The following HPCAL1 variants were observed in gnomAD, a reference collection of about 807,000 sequenced individuals.
HPCAL1 encodes the protein hippocalcin like 1, also known as hippocalcin-like protein 1.
HPCAL1 carries 8 observed loss-of-function variants against 17.1 expected under a neutral mutation model. The ratio of observed to expected loss-of-function variants is 0.47; its 90% confidence interval spans 0.27 to 0.84. The LOEUF is 0.84. HPCAL1 is among the 40% of genes least tolerant of loss of function. The pLI, the probability that HPCAL1 is intolerant of heterozygous loss-of-function variation, is 0.13. For synonymous variants in HPCAL1, 112 were observed against 111.4 expected, an observed-to-expected ratio of 1.01 and a Z score of -0.03; for missense variants, 165 against 271.1, an observed-to-expected ratio of 0.61 and a Z score of 2.75.
rs567786132 is a variant in HPCAL1 at position 10,384,476 on chromosome 2, G to A, written c.-110-12359G>A. On this transcript the variant is annotated intron_variant, in intron 1 of 4. Transcript: ENST00000307845. This position sits in a 1 kb window ranked among gnomAD's most constrained non-coding sequence, Gnocchi z 4.4. The stretch of plus-strand genomic sequence containing the variant: ...CTGCCCTCCACAAACTGCCATGCTT[G>A]CTTGGTGCACGGTGCTGTGCTGGGC... Among the ~76,000 whole-genome samples, 2 of 152,292 alleles carry A rather than the reference G, an allele frequency of 1.3e-5. No individual in the cohort carries two copies. Among genetic ancestry groups the A allele is most frequent in the Admixed American group, 6.5e-5 (1 of 15,310 alleles).
chr2:10,417,373 CA>C (rs1165509518), intron 2 of HPCAL1, among the ~76,000 whole-genome samples: 10 of 146,778 alleles, frequency 6.8e-5, no homozygotes, highest in Non-Finnish European at 1.1e-4. Flanking sequence ...CAAAAAAAAA[CA>C]AAAAAAAAAG....
chr2:10,421,200 A>C (rs1190456585), intron 3 of HPCAL1, among the ~76,000 whole-genome samples: 1 of 152,228 alleles, frequency 6.6e-6, no homozygotes, highest in Admixed American at 6.5e-5. Flanking sequence ...TGAAGCATTA[A>C]CGATCACGAG....
chr2:10,424,548 G>T (rs1461312977), intron 4 of HPCAL1: 5 of 471,098 alleles, frequency 1.1e-5, no homozygotes, highest in Non-Finnish European at 2.2e-5. Flanking sequence ...GCCACCCATG[G>T]TCACTCGCTG....
At chr2:10,322,110 A>G (rs1558456075) in intron 1 of HPCAL1, among the ~76,000 whole-genome samples, 1 of 151,770 alleles carries the variant, frequency 6.6e-6, no homozygotes, top group South Asian at 2.1e-4. Context: ...GTAGCCTGCA[A>G]CTCTATGGAT....
intron 1 of HPCAL1, among the ~76,000 whole-genome samples, chr2:10,341,216 T>C (rs1435712789): frequency 6.6e-6 from 1 of 151,852 alleles, no homozygotes; most frequent in Non-Finnish European, 1.5e-5. Flanking sequence ...TCCTAGCACT[T>C]TGGGAGGCTG....
chr2:10,307,862 TC>T (rs1662721740), intron 1 of HPCAL1, among the ~76,000 whole-genome samples: 1 of 152,184 alleles, frequency 6.6e-6, no homozygotes, highest in African/African-American at 2.4e-5. Context: ...AACGCAGATT[TC>T]ATCATCCCAC....
At chr2:10,305,970 G>A (rs1460833984) in intron 1 of HPCAL1, among the ~76,000 whole-genome samples, 1 of 152,222 alleles carries the variant, frequency 6.6e-6, no homozygotes, top group Non-Finnish European at 1.5e-5. Context: ...AAGGTCTGCA[G>A]CGCGGGTACA....
chr2:10,305,929 C>G (rs976532393), intron 1 of HPCAL1, among the ~76,000 whole-genome samples: 3 of 152,330 alleles, frequency 2.0e-5, no homozygotes, highest in South Asian at 2.1e-4. Flanking sequence ...GCTCACACCC[C>G]CTACCTTCAG....
chr2:10,376,443 C>G (rs975970175), intron 1 of HPCAL1, among the ~76,000 whole-genome samples: 3 of 91,812 alleles, frequency 3.3e-5, no homozygotes, highest in South Asian at 6.1e-4. Flanking sequence ...AAAAAAATCC[C>G]TCTTTTTTTT....
At chr2:10,317,088 C>A (rs111933197) in intron 1 of HPCAL1, among the ~76,000 whole-genome samples, 17 of 152,318 alleles carry the variant, frequency 1.1e-4, no homozygotes, top group Admixed American at 9.1e-4. Flanking sequence ...TGTGTCCCTG[C>A]GGTTTCCTGG....
chr2:10,321,930 G>GT (rs1261263984), intron 1 of HPCAL1, among the ~76,000 whole-genome samples: 1 of 152,088 alleles, frequency 6.6e-6, no homozygotes, highest in Non-Finnish European at 1.5e-5. Context: ...CGAGGAACAA[G>GT]TTTTTTTTGT....
In HPCAL1 at chr2:10,304,224, C is replaced by A. The variant is rs1013185317; in HGVS notation, c.-111+1047C>A. On this transcript the variant is annotated intron_variant, in intron 1 of 4. Transcript: ENST00000307845. The surrounding 1 kb of genome is among the most constrained non-coding windows in gnomAD (Gnocchi z 4.1). ...CTCCCGCGCAAGCGTGGGGGTCCCT[C>A]TCCTGGCCGGGAGGCAGCGACTGCG... Among the ~76,000 whole-genome samples, 1 of 152,222 alleles carries A rather than the reference C, an allele frequency of 6.6e-6. No individual in the cohort carries two copies. The highest frequency in any genetic ancestry group is 1.5e-5 in the Non-Finnish European group (1 of 68,030).
At chr2:10,399,560 C>T (rs1183995051) in intron 2 of HPCAL1, among the ~76,000 whole-genome samples, 8 of 42,156 alleles carry the variant, frequency 1.9e-4, no homozygotes, top group East Asian at 1.1e-3. Flanking sequence ...CCACCACTAC[C>T]GCCACCGCCA....
Position 10,322,410 on chromosome 2 carries a change from C to T in HPCAL1, c.-111+19233C>T, listed in dbSNP as rs575652806. On this transcript the variant is annotated intron_variant, in intron 1 of 4. Coordinates refer to ENST00000307845, the MANE Select transcript of HPCAL1 (RefSeq NM_002149.4). ...GAAGAAAATAAGGGCAGAAGCCACA[C>T]GAAAACCCCAGCAGGACAGCAGGTG... Among the ~76,000 whole-genome samples, 16 of 152,290 alleles carry T rather than the reference C, an allele frequency of 1.1e-4. No individual in the cohort carries two copies. In the South Asian group the frequency reaches 1.7e-3, roughly 16 times the overall value.
At chr2:10,399,250 C>CCACCAT (rs1558517554) in intron 2 of HPCAL1, among the ~76,000 whole-genome samples, 3 of 69,290 alleles carry the variant, frequency 4.3e-5, no homozygotes, top group Non-Finnish European at 6.4e-5. Flanking sequence ...ATCACCACCA[C>CCACCAT]CACCACCACC....
chr2:10,398,342 T>A (rs914663638), intron 2 of HPCAL1, among the ~76,000 whole-genome samples: 3 of 152,376 alleles, frequency 2.0e-5, no homozygotes, highest in Non-Finnish European at 4.4e-5. Context: ...TCTGGAATTT[T>A]CTTGGCCCTA....
At chr2:10,374,010 C>T (rs113868968) in intron 1 of HPCAL1, among the ~76,000 whole-genome samples, 8 of 152,322 alleles carry the variant, frequency 5.3e-5, no homozygotes, top group East Asian at 3.9e-4. Flanking sequence ...GCCAAGTCCT[C>T]TGTCCCCTAG....
At position 10,365,062 on chromosome 2, in the gene HPCAL1, C is replaced by T. The variant is rs114395040; in HGVS notation, c.-110-31773C>T. Among the ~76,000 whole-genome samples the T allele has an allele frequency of 6.7e-3, 1,022 of 152,328 alleles. 14 individuals are homozygous for T. Among genetic ancestry groups the T allele is most frequent in the African/African-American group, 0.023 (946 of 41,578 alleles). ...TGCCTTTGGCCACCAGCCTCAAAAT[C>T]TCCCAGAGTTCCAGGTGCTTGGTGG... is the stretch of plus-strand genomic sequence containing the variant. On this transcript the variant is annotated intron_variant, in intron 1 of 4. Coordinates refer to ENST00000307845, the MANE Select transcript of HPCAL1 (RefSeq NM_002149.4). The surrounding 1 kb of genome is among the most constrained non-coding windows in gnomAD (Gnocchi z 4.8).
chr2:10,351,620 G>A (rs1665845621), intron 1 of HPCAL1, among the ~76,000 whole-genome samples: 1 of 152,042 alleles, frequency 6.6e-6, no homozygotes, highest in Admixed American at 6.5e-5. Flanking sequence ...TTAGCCAGGT[G>A]TGGTGGTGTG....
Sources: allele counts gnomAD v4.1 joint callset (sites outside exome capture counted in the v4.1 genomes callset), GRCh38; gene constraint gnomAD v4.1.1; non-coding constraint Gnocchi (gnomAD v3.1); transcripts MANE v1.5; gene names NCBI Gene and HGNC (gene_info 2026-07-23, HGNC 2026-07-21).